The following COG6 variants were observed in gnomAD, a reference collection of about 807,000 sequenced individuals.
COG6 encodes conserved oligomeric Golgi complex subunit 6.
A neutral mutation model predicts 88.8 loss-of-function variants in COG6; 74 were observed. The observed-to-expected ratio is 0.83, with a 90% confidence interval of 0.69 to 1.01. COG6 has a LOEUF of 1.01. Ranked by LOEUF, COG6 falls within the 50% of genes least tolerant of loss-of-function variation. COG6 has a pLI of 0.00. For synonymous variants in COG6, 286 were observed against 278.7 expected, an observed-to-expected ratio of 1.03 and a Z score of -0.26; for missense variants, 800 against 797.9, an observed-to-expected ratio of 1.00 and a Z score of -0.03.
chr13:39,734,363 T>G (rs1372081354), intron 18 of COG6, among the ~76,000 whole-genome samples: 1 of 152,200 alleles, frequency 6.6e-6, no homozygotes, highest in Non-Finnish European at 1.5e-5. Flanking sequence ...AGCCCACTGG[T>G]TATTCAGGAA....
At chr13:39,760,160 T>A (rs1207676687) in intron 18 of COG6, among the ~76,000 whole-genome samples, 2 of 152,186 alleles carry the variant, frequency 1.3e-5, no homozygotes, top group Non-Finnish European at 2.9e-5. Context: ...ATTGGTCTCC[T>A]GTTTTGAGAT....
intron 11 of COG6, among the ~76,000 whole-genome samples, chr13:39,690,580 T>A (rs1261361491): frequency 6.6e-6 from 1 of 152,006 alleles, no homozygotes; most frequent in East Asian, 1.9e-4. Flanking sequence ...TTGACTTTAA[T>A]TTCATACATA....
intron 13 of COG6, among the ~76,000 whole-genome samples, chr13:39,710,357 G>A (rs1593442182): frequency 6.6e-6 from 1 of 152,038 alleles, no homozygotes; most frequent in South Asian, 2.1e-4. Flanking sequence ...AAGGCAGTTT[G>A]TTTTTGAGTG....
At chr13:39,723,294 A>G (rs1014878019) in intron 15 of COG6, 39 bp from the exon 16 acceptor site, 1 of 1,306,694 alleles carries the variant, frequency 7.7e-7, no homozygotes, top group African/African-American at 1.4e-5. Flanking sequence ...CATCAGTGTC[A>G]TTCTTCTTTT....
At chr13:39,717,424 G>A (rs1878586834) in intron 13 of COG6, among the ~76,000 whole-genome samples, 3 of 150,936 alleles carry the variant, frequency 2.0e-5, no homozygotes, top group African/African-American at 7.3e-5. Flanking sequence ...CTTTCCTTCT[G>A]GGCTTCCCCT....
At chr13:39,686,378 G>A (rs1876639392) in intron 8 of COG6, among the ~76,000 whole-genome samples, 1 of 152,148 alleles carries the variant, frequency 6.6e-6, no homozygotes, top group South Asian at 2.1e-4. Flanking sequence ...TCAAAGAAAT[G>A]GGCACTCCAG....
intron 18 of COG6, among the ~76,000 whole-genome samples, chr13:39,735,755 T>G (rs1177995435): frequency 6.6e-6 from 1 of 150,844 alleles, no homozygotes; most frequent in African/African-American, 2.4e-5. Context: ...TTGTCCTTCA[T>G]GTTTATAAGA....
chr13:39,779,817 C>A (rs1335440402), intron 18 of COG6, among the ~76,000 whole-genome samples: 1 of 152,188 alleles, frequency 6.6e-6, no homozygotes, highest in East Asian at 1.9e-4. Flanking sequence ...ACCTCAATTT[C>A]ACCTCTGAGA....
At chr13:39,758,676 A>G (rs921718634) in intron 18 of COG6, among the ~76,000 whole-genome samples, 2 of 152,202 alleles carry the variant, frequency 1.3e-5, no homozygotes, top group African/African-American at 4.8e-5. Context: ...ACAGTTTAAC[A>G]AACAGTTCCT....
chr13:39,708,994 C>T (rs147116583), intron 13 of COG6, among the ~76,000 whole-genome samples: 12 of 151,946 alleles, frequency 7.9e-5, no homozygotes, highest in Non-Finnish European at 1.2e-4. Flanking sequence ...GATGGGGCTC[C>T]GCATTAGAAA....
chr13:39,686,214 G>C (rs1008579548), intron 8 of COG6, among the ~76,000 whole-genome samples: 43 of 152,186 alleles, frequency 2.8e-4, no homozygotes, highest in African/African-American at 1.0e-3. Context: ...GTAGAATACT[G>C]TTTAGAGATT....
At chr13:39,706,609 A>T (rs2138049471) in intron 13 of COG6, among the ~76,000 whole-genome samples, 1 of 141,594 alleles carries the variant, frequency 7.1e-6, no homozygotes, top group South Asian at 2.2e-4. Context: ...AGCTCTACAC[A>T]TTTAAAAAAA....
chr13:39,783,215 T>C (rs1881680741), intron 18 of COG6, among the ~76,000 whole-genome samples: 1 of 152,224 alleles, frequency 6.6e-6, no homozygotes, highest in Non-Finnish European at 1.5e-5. Context: ...TCATTCTCTT[T>C]ATTCCTGCAG....
chr13:39,672,040 A>G (rs887239704), intron 4 of COG6, among the ~76,000 whole-genome samples: 5 of 151,978 alleles, frequency 3.3e-5, no homozygotes, highest in South Asian at 4.1e-4. Flanking sequence ...ATATGTCTAC[A>G]TGGTTACTTT....
intron 13 of COG6, among the ~76,000 whole-genome samples, chr13:39,715,215 A>AT (rs1176941177): frequency 6.6e-6 from 1 of 151,692 alleles, no homozygotes; most frequent in Admixed American, 6.6e-5. Flanking sequence ...TTTAAAAAAA[A>AT]ATTTTTAAAG....
At chr13:39,698,715 C>T (rs567978297) in intron 12 of COG6, among the ~76,000 whole-genome samples, 1 of 151,818 alleles carries the variant, frequency 6.6e-6, no homozygotes, top group Admixed American at 6.6e-5. Context: ...GTTGTTATGC[C>T]TTTAGAAATT....
intron 18 of COG6, among the ~76,000 whole-genome samples, chr13:39,784,658 A>T (rs1881721394): frequency 6.6e-6 from 1 of 152,214 alleles, no homozygotes; most frequent in South Asian, 2.1e-4. Flanking sequence ...CTGTTCTCTT[A>T]GATTCAAAGT....
chr13:39,668,711 C>T (rs1407126221), intron 4 of COG6, among the ~76,000 whole-genome samples: 1 of 150,994 alleles, frequency 6.6e-6, no homozygotes, highest in Non-Finnish European at 1.5e-5. Context: ...TGGCATGAAC[C>T]AGGGAGGCAG....
rs1224710637 is a variant in COG6 at position 39,774,517 on chromosome 13, GAGC to G, written c.1827-13815_1827-13813del. Among the ~76,000 whole-genome samples, 7 of 151,954 alleles carry G rather than the reference GAGC, an allele frequency of 4.6e-5. No individual in the cohort carries two copies. The East Asian group carries it at 1.4e-3, about 29-fold the overall frequency. ...ATAATTTACTTTTATCAGTGGTTTG[GAGC>G]AGAATTTTAAATATTTTTACATCTA... On this transcript the variant is annotated intron_variant, in intron 18 of 18. Coordinates refer to the COG6 transcript ENST00000416691.
Sources: gnomAD v4.1 joint callset for allele counts (sites outside exome capture counted in the v4.1 genomes callset) on GRCh38, gnomAD v4.1.1 for gene constraint, MANE v1.5 for transcripts, NCBI Gene and HGNC (gene_info 2026-07-23, HGNC 2026-07-21) for gene names.